The following CLCN3 variants were observed in gnomAD, a reference collection of about 807,000 sequenced individuals.
CLCN3 encodes the protein Cl-/H+ antiporter 3.
In CLCN3, 16 loss-of-function variants were observed where a neutral mutation model predicts 83.4. The observed-to-expected ratio is 0.19, with a 90% CI of 0.13 to 0.29. The LOEUF (loss-of-function observed/expected upper bound fraction) is 0.29. CLCN3 is among the 10% of genes least tolerant of loss of function. The probability of loss-of-function intolerance (pLI) is 1.00; values close to 1 mark genes in which losing one functional copy is unlikely to be tolerated. For synonymous variants in CLCN3, 322 were observed against 346.2 expected (o/e 0.93, Z 0.78); for missense variants, 544 against 1,006.0 (o/e 0.54, Z 6.21).
At chr4:169,643,175 A>G (rs1730468549) in intron 2 of CLCN3, 1 of 152,228 alleles carries the variant, frequency 6.6e-6, no homozygotes, top group South Asian at 2.1e-4. Context: ...AAGTCATCTT[A>G]ATGAAAAGTA....
intron 7 of CLCN3, among the ~76,000 whole-genome samples, chr4:169,693,525 C>T (rs751115058): frequency 3.3e-5 from 5 of 152,162 alleles, no homozygotes; most frequent in Non-Finnish European, 7.3e-5. Flanking sequence ...AGTGGTGGAA[C>T]GTAGGTTAAA....
intron 2 of CLCN3, among the ~76,000 whole-genome samples, chr4:169,656,857 A>C (rs546024905): frequency 4.6e-5 from 7 of 152,258 alleles, no homozygotes; most frequent in African/African-American, 1.7e-4. Flanking sequence ...TGAGAGGATC[A>C]CTTGAGCTAG....
chr4:169,695,221 G>A, intron 7 of CLCN3, among the ~76,000 whole-genome samples: 1 of 152,152 alleles, frequency 6.6e-6, no homozygotes, highest in East Asian at 1.9e-4. Context: ...TGGTGGAGCA[G>A]TTAGCTCTAA....
intron 1 of CLCN3, among the ~76,000 whole-genome samples, chr4:169,627,485 A>G (rs1238653298): frequency 6.6e-6 from 1 of 152,128 alleles, no homozygotes; most frequent in Non-Finnish European, 1.5e-5. Flanking sequence ...TGTCACCTTC[A>G]CTGCCTTAGG....
intron 1 of CLCN3, among the ~76,000 whole-genome samples, chr4:169,633,674 CA>C (rs1773437440): frequency 6.6e-6 from 1 of 152,114 alleles, no homozygotes; most frequent in Non-Finnish European, 1.5e-5. Flanking sequence ...TCAGTAGCCA[CA>C]TTAAAAAGGT....
At chr4:169,635,885 T>C in intron 1 of CLCN3, 28 bp from the exon 2 acceptor site, 2 of 1,493,116 alleles carry the variant, frequency 1.3e-6, no homozygotes. Context: ...GTTTGAAAAA[T>C]GTTAAAACTA....
At chr4:169,645,936 AT>A (rs368608876) in intron 2 of CLCN3, among the ~76,000 whole-genome samples, 10 of 151,848 alleles carry the variant, frequency 6.6e-5, no homozygotes, top group South Asian at 6.2e-4. Flanking sequence ...TGAGCAACAC[AT>A]TTTTTTTCAG....
chr4:169,644,531 C>T (rs916412592), intron 2 of CLCN3, among the ~76,000 whole-genome samples: 9 of 152,116 alleles, frequency 5.9e-5, no homozygotes, highest in African/African-American at 1.9e-4. Flanking sequence ...CGTGAGCCAC[C>T]GTGCCTGGCC....
chr4:169,665,917 G>A (rs754808289), intron 2 of CLCN3, among the ~76,000 whole-genome samples: 11 of 151,246 alleles, frequency 7.3e-5, no homozygotes, highest in Non-Finnish European at 1.2e-4. Context: ...TTAGGCTCCT[G>A]CCAGTGTCAC....
intron 2 of CLCN3, among the ~76,000 whole-genome samples, chr4:169,651,440 T>C (rs1730729072): frequency 6.6e-6 from 1 of 152,154 alleles, no homozygotes; most frequent in South Asian, 2.1e-4. Context: ...GCAAATATAG[T>C]CATTTCTTGG....
intron 12 of CLCN3, chr4:169,717,739 A>T (rs1026640124): frequency 2.7e-6 from 3 of 1,096,962 alleles, no homozygotes; most frequent in African/African-American, 3.1e-5. Flanking sequence ...TATGATTGGA[A>T]ACTCTTTTAA....
chr4:169,679,953 T>TATTTCTGTATGACTTAATAATGA, intron 2 of CLCN3, 97 bp from the exon 3 acceptor site: 1 of 970,056 alleles, frequency 1.0e-6, no homozygotes, highest in Non-Finnish European at 1.7e-6. Context: ...GGAGAGGGAT[T>TATTTCTGTATGACTTAATAATGA]ATTTCTGTAT....
chr4:169,665,267 G>A (rs1731202848), intron 2 of CLCN3, among the ~76,000 whole-genome samples: 1 of 152,174 alleles, frequency 6.6e-6, no homozygotes, highest in African/African-American at 2.4e-5. Context: ...AGTGAATTGA[G>A]TAATGGGCTT....
chr4:169,705,835 G>T (rs1732966994), intron 10 of CLCN3, among the ~76,000 whole-genome samples: 1 of 152,008 alleles, frequency 6.6e-6, no homozygotes, highest in African/African-American at 2.4e-5. Context: ...AGTGGTAATG[G>T]GGCCTGGAGT....
intron 2 of CLCN3, chr4:169,660,571 TG>T (rs1193138787): frequency 3.4e-6 from 2 of 584,612 alleles, no homozygotes; most frequent in Non-Finnish European, 5.0e-6. Context: ...TTAGTTGCCC[TG>T]GGTTGTTAGT....
chr4:169,711,055 A>C (rs182077043), intron 11 of CLCN3, among the ~76,000 whole-genome samples: 37 of 152,314 alleles, frequency 2.4e-4, no homozygotes, highest in Non-Finnish European at 5.1e-4. Flanking sequence ...AATGATTTAC[A>C]AACCCTATTG....
chr4:169,699,616 G>C (rs1247190079), intron 9 of CLCN3, among the ~76,000 whole-genome samples: 1 of 152,152 alleles, frequency 6.6e-6, no homozygotes, highest in East Asian at 1.9e-4. Context: ...AGGCGCAGTG[G>C]CTCACACCTG....
chr4:169,696,833 G>C (rs1364834604), intron 8 of CLCN3, among the ~76,000 whole-genome samples: 1 of 148,526 alleles, frequency 6.7e-6, no homozygotes, highest in African/African-American at 2.5e-5. Flanking sequence ...TTTTAATGTA[G>C]AAGAGGCAAA....
chr4:169,630,332 A>G (rs7679579), intron 1 of CLCN3, among the ~76,000 whole-genome samples: 150,395 of 152,218 alleles, frequency 0.99, 74,317 homozygotes, highest in East Asian at 1. Context: ...CCATCTGTAC[A>G]TCTGTGAGTA....
Sources: allele counts gnomAD v4.1 joint callset (sites outside exome capture counted in the v4.1 genomes callset), GRCh38; gene constraint gnomAD v4.1.1; transcripts MANE v1.5; gene names NCBI Gene and HGNC (gene_info 2026-07-23, HGNC 2026-07-21).